The following VWA3A variants were observed in gnomAD, a reference collection of about 807,000 sequenced individuals.
The protein encoded by VWA3A is von Willebrand factor A domain-containing protein 3A.
A neutral mutation model predicts 160.4 loss-of-function variants in VWA3A; 134 were observed. The ratio of observed to expected loss-of-function variants is 0.84; its 90% CI spans 0.73 to 0.96. The LOEUF (loss-of-function observed/expected upper bound fraction) is 0.96. Among genes scored for constraint, VWA3A ranks in the 40% least tolerant of loss-of-function variants. VWA3A has a pLI of 0.00. For synonymous variants in VWA3A, 476 were observed against 543.4 expected, an observed-to-expected ratio of 0.88 and a Z score of 1.72; for missense variants, 1,310 against 1,447.9, an observed-to-expected ratio of 0.90 and a Z score of 1.55.
intron 25 of VWA3A, 78 bp from the exon 26 acceptor site, chr16:22,144,169 G>T: frequency 1.4e-6 from 2 of 1,472,608 alleles, no homozygotes; most frequent in East Asian, 2.4e-5. Flanking sequence ...CAAACATGAG[G>T]TTCTCATAGA....
intron 31 of VWA3A, among the ~76,000 whole-genome samples, chr16:22,154,919 A>C (rs531630781): frequency 3.1e-5 from 4 of 130,840 alleles, no homozygotes; most frequent in African/African-American, 5.6e-5. Context: ...GCGCCACTGC[A>C]GTCCGCAGTC....
chr16:22,132,796 C>A, intron 19 of VWA3A, 104 bp from the exon 20 acceptor site: 1 of 1,104,216 alleles, frequency 9.1e-7, no homozygotes, highest in Non-Finnish European at 1.3e-6. Context: ...CTGGACCAGG[C>A]ACAGAGAAGG....
At chr16:22,095,777 G>T (rs934832631) in intron 1 of VWA3A, among the ~76,000 whole-genome samples, 2 of 151,972 alleles carry the variant, frequency 1.3e-5, no homozygotes, top group African/African-American at 4.8e-5. Flanking sequence ...GCCAAGGCTG[G>T]TCTTGAACTC....
intron 7 of VWA3A, among the ~76,000 whole-genome samples, chr16:22,110,624 C>T (rs2045539455): frequency 6.6e-6 from 1 of 152,240 alleles, no homozygotes; most frequent in Non-Finnish European, 1.5e-5. Flanking sequence ...CTCTGTCCTC[C>T]CTCTCTGGGT....
intron 20 of VWA3A, among the ~76,000 whole-genome samples, chr16:22,133,471 G>T (rs2045984639): frequency 6.6e-6 from 1 of 151,864 alleles, no homozygotes; most frequent in South Asian, 2.1e-4. Flanking sequence ...GGCCAACATG[G>T]TGAAACTCTA....
At chr16:22,124,576 T>C (rs1327990787) in intron 16 of VWA3A, among the ~76,000 whole-genome samples, 2 of 141,014 alleles carry the variant, frequency 1.4e-5, no homozygotes, top group Non-Finnish European at 3.1e-5. Context: ...TTATTATTAT[T>C]AGAGACAGAG....
chr16:22,106,017 T>TTC (rs1379140711), intron 6 of VWA3A, among the ~76,000 whole-genome samples: 2 of 152,146 alleles, frequency 1.3e-5, no homozygotes, highest in African/African-American at 4.8e-5. Flanking sequence ...AGGTCCTGCC[T>TTC]TCATGGAGCT....
chr16:22,131,511 T>C, intron 18 of VWA3A, 74 bp from the exon 19 acceptor site: 1 of 1,580,422 alleles, frequency 6.3e-7, no homozygotes, highest in Non-Finnish European at 8.6e-7. Context: ...TGGAAAAGGC[T>C]CTCAGCTACT....
intron 7 of VWA3A, among the ~76,000 whole-genome samples, chr16:22,110,106 T>C (rs1234629722): frequency 6.6e-6 from 1 of 152,214 alleles, no homozygotes; most frequent in Non-Finnish European, 1.5e-5. Context: ...TTCCAGGCCA[T>C]GTGACTGCGT....
intron 21 of VWA3A, among the ~76,000 whole-genome samples, chr16:22,135,549 T>A (rs2046024518): frequency 6.6e-6 from 1 of 152,196 alleles, no homozygotes; most frequent in Admixed American, 6.5e-5. Context: ...TCAGCTTCCC[T>A]CTTCATGTCC....
chr16:22,130,547 A>C (rs773470676), intron 17 of VWA3A, among the ~76,000 whole-genome samples: 1 of 152,196 alleles, frequency 6.6e-6, no homozygotes, highest in Non-Finnish European at 1.5e-5. Context: ...CCTCTTCTCA[A>C]AGATCTTAAA....
chr16:22,135,433 T>A (rs556119446), intron 21 of VWA3A, among the ~76,000 whole-genome samples: 1 of 152,176 alleles, frequency 6.6e-6, no homozygotes, highest in Admixed American at 6.5e-5. Context: ...GTAATTTGTA[T>A]CTTAATTACA....
chr16:22,105,668 AG>A (rs2045473005), intron 6 of VWA3A, among the ~76,000 whole-genome samples: 1 of 152,240 alleles, frequency 6.6e-6, no homozygotes, highest in Non-Finnish European at 1.5e-5. Context: ...TGGTATTACC[AG>A]GCTCCAATTG....
Position 22,117,147 on chromosome 16 carries a change from T to C in VWA3A, c.961T>C (p.Tyr321His), listed in dbSNP as rs749414008. The change falls in exon 11 of 34, where the codon TAC becomes CAC. Residue 321 changes from tyrosine (Y) to histidine (H), a missense_variant. Tyr to His is a moderately conservative substitution (Grantham distance 83). Coordinates refer to ENST00000389398, the MANE Select transcript of VWA3A (RefSeq NM_173615.5). ...GAACCTTGCAGAAGCTGTTAGGGGC[T>C]ACTACCACTGCTACAGCCCAAAGAT... ...LKNLAEAVRG[Y>H]YHCYSPKMEH... 5 of 1,584,522 alleles carry C rather than the reference T, an allele frequency of 3.2e-6. No individual in the cohort carries two copies. The highest frequency in any genetic ancestry group is 1.7e-4 in the Middle Eastern group (1 of 6,060).
chr16:22,116,274 A>C (rs2045644045), intron 9 of VWA3A: 7 of 417,402 alleles, frequency 1.7e-5, no homozygotes, highest in South Asian at 1.2e-4. Context: ...AAGAAAAAGA[A>C]AAGAAGAAGG....
At chr16:22,139,211 C>T (rs1004385109) in intron 22 of VWA3A, among the ~76,000 whole-genome samples, 6 of 152,186 alleles carry the variant, frequency 3.9e-5, no homozygotes, top group African/African-American at 1.2e-4. Flanking sequence ...GTTCTGCCCT[C>T]GTTCGGGGAA....
intron 27 of VWA3A, chr16:22,147,591 A>G: frequency 1.4e-6 from 1 of 703,128 alleles, no homozygotes; most frequent in East Asian, 2.7e-5. Context: ...CTGCAGTAGG[A>G]CCTGGTATAG....
Position 22,125,572 on chromosome 16 carries a change from C to T in VWA3A, c.1533-606C>T, listed in dbSNP as rs185655054. On this transcript the variant is annotated intron_variant, in intron 16 of 33. Coordinates refer to ENST00000389398, the MANE Select transcript of VWA3A (RefSeq NM_173615.5). ...CCAAGTAGCTGGGACTACAGTCGCC[C>T]GCCACCACGCTCGGCTAATTTTTTT... Among the ~76,000 whole-genome samples the T allele has an allele frequency of 3.9e-3, 596 of 151,974 alleles. 3 individuals carry two copies. The highest frequency in any genetic ancestry group is 0.013 in the African/African-American group (557 of 41,496).
intron 16 of VWA3A, 68 bp from the exon 17 acceptor site, chr16:22,126,109 TA>T: frequency 2.5e-6 from 4 of 1,596,944 alleles, no homozygotes; most frequent in Non-Finnish European, 3.4e-6. Flanking sequence ...CTTTAAATAG[TA>T]AAATGGAACA....
Sources: allele counts gnomAD v4.1 joint callset (sites outside exome capture counted in the v4.1 genomes callset), GRCh38; gene constraint gnomAD v4.1.1; transcripts MANE v1.5; gene names NCBI Gene and HGNC (gene_info 2026-07-23, HGNC 2026-07-21).